Variants in NOL4 observed in about 807,000 individuals in gnomAD.
NOL4 encodes nucleolar protein 4, also known as cancer/testis antigen 125.
Under a neutral mutation model 75.9 loss-of-function variants are expected in NOL4, and 17 were observed. That is an observed-to-expected ratio of 0.22 (90% confidence interval 0.15 to 0.34). The LOEUF (loss-of-function observed/expected upper bound fraction) is 0.34. Among genes scored for constraint, NOL4 ranks in the 10% least tolerant of loss-of-function variants. NOL4 has a pLI of 1.00. For missense variants in NOL4, 614 were observed against 793.5 expected (o/e 0.77, Z 2.72); for synonymous variants, 292 against 289.9 (o/e 1.01, Z -0.07).
At chr18:33,929,270 C>A (rs2067532448) in intron 9 of NOL4, among the ~76,000 whole-genome samples, 1 of 152,132 alleles carries the variant, frequency 6.6e-6, no homozygotes, top group African/African-American at 2.4e-5. Flanking sequence ...TAAGAAACTG[C>A]TGTTTTTGAT....
chr18:34,112,912 G>C (rs2079667503), intron 2 of NOL4, among the ~76,000 whole-genome samples: 4 of 152,296 alleles, frequency 2.6e-5, no homozygotes, highest in Admixed American at 2.6e-4. Flanking sequence ...TAATTAGCTT[G>C]ATTGCGGTAA....
Position 33,851,636 on chromosome 18 carries a change from G to T in NOL4, c.*1206C>A, listed in dbSNP as rs993784404. On this transcript the variant is annotated 3_prime_UTR_variant, in exon 11 of 11. Coordinates refer to ENST00000261592, the MANE Select transcript of NOL4 (RefSeq NM_003787.5). ...TTCTCCCTAAATATTTAAAAAATAG[G>T]CTTGTCTCAGTGCACAAAGAAAACA... is the stretch of plus-strand genomic sequence containing the variant. 1.3e-5 allele frequency: 2 copies of T among 152,362 alleles called. No homozygotes were observed. The highest frequency in any genetic ancestry group is 3.9e-4 in the East Asian group (2 of 5,156). The allele number at this position is 152,362 out of a possible 1,614,324, so 9.4% of individuals were successfully genotyped here. A position where few individuals can be genotyped will look rare whatever the true frequency, so the allele number is the denominator to read the frequency against.
chr18:34,086,341 A>G, intron 5 of NOL4, among the ~76,000 whole-genome samples: 1 of 152,272 alleles, frequency 6.6e-6, no homozygotes, highest in South Asian at 2.1e-4. Flanking sequence ...GTTTCCTAAG[A>G]AATTGTAAAC....
intron 1 of NOL4, chr18:34,222,572 C>T: frequency 1.8e-6 from 1 of 567,806 alleles, no homozygotes; most frequent in Non-Finnish European, 2.2e-6. Flanking sequence ...GACTCGTCTG[C>T]TCTCAGAGCG....
chr18:34,124,973 A>G (rs1462649857), intron 2 of NOL4, among the ~76,000 whole-genome samples: 3 of 152,056 alleles, frequency 2.0e-5, no homozygotes, highest in Admixed American at 6.6e-5. Context: ...TATGCCAATA[A>G]CTCACATTTT....
At chr18:33,969,140 G>C (rs914872886) in intron 6 of NOL4, among the ~76,000 whole-genome samples, 1 of 152,078 alleles carries the variant, frequency 6.6e-6, no homozygotes, top group African/African-American at 2.4e-5. Flanking sequence ...CATTAAAGCA[G>C]CGTTTATGAG....
chr18:34,215,171 A>G (rs2036795813), intron 1 of NOL4, among the ~76,000 whole-genome samples: 1 of 152,140 alleles, frequency 6.6e-6, no homozygotes, highest in African/African-American at 2.4e-5. Context: ...TGTTTTTTTT[A>G]TCACAATTAA....
chr18:34,141,774 C>G (rs1306208768), intron 1 of NOL4, among the ~76,000 whole-genome samples: 1 of 152,098 alleles, frequency 6.6e-6, no homozygotes, highest in Non-Finnish European at 1.5e-5. Flanking sequence ...TAGGCATGGG[C>G]AAGGACTTCA....
In NOL4 at chr18:33,915,163, T is replaced by C. The variant is rs182266970; in HGVS notation, c.1542+27902A>G. Among the ~76,000 whole-genome samples, 166 of 152,232 alleles carry C rather than the reference T, an allele frequency of 1.1e-3. 1 individual carries two copies. Among genetic ancestry groups the C allele is most frequent in the African/African-American group, 3.8e-3 (158 of 41,556 alleles). On this transcript the variant is annotated intron_variant, in intron 9 of 10. Transcript: ENST00000261592. ...CAACCGTGACAAATGCCCCTGATAG[T>C]GCAAGTAAGACGAGAACTAAGAAAT...
chr18:33,963,734 C>A (rs1037469768), intron 6 of NOL4, among the ~76,000 whole-genome samples: 1 of 152,120 alleles, frequency 6.6e-6, no homozygotes, highest in Non-Finnish European at 1.5e-5. Context: ...CTTTCCTCAG[C>A]AAAGAGGCTT....
At position 33,883,338 on chromosome 18, in the gene NOL4, G is replaced by A. The variant is rs760060137; in HGVS notation, c.1629C>T (p.Asp543=). ...YSTSAVPGSQ[D]VLYINGNGTY... The stretch of plus-strand genomic sequence containing the variant: ...TCCCATTTCCATTGATGTACAGCAC[G>A]TCCTGTGAGCCTGGAACAGCTGATG... Residue 543 remains aspartate (D), a synonymous_variant, in exon 10 of 11, where the codon GAC becomes GAT. Coordinates refer to ENST00000261592, the MANE Select transcript of NOL4 (RefSeq NM_003787.5). 8.7e-6 allele frequency: 14 copies of A among 1,613,026 alleles called. No homozygotes were observed. The highest frequency in any genetic ancestry group is 6.7e-5 in the Admixed American group (4 of 59,872).
At chr18:33,987,238 G>C (rs1426541008) in intron 6 of NOL4, among the ~76,000 whole-genome samples, 1 of 152,030 alleles carries the variant, frequency 6.6e-6, no homozygotes, top group African/African-American at 2.4e-5. Context: ...TATTTGCTTT[G>C]GGGGATAGGG....
intron 1 of NOL4, among the ~76,000 whole-genome samples, chr18:34,194,735 C>T (rs1033811917): frequency 6.6e-6 from 1 of 151,962 alleles, no homozygotes; most frequent in Non-Finnish European, 1.5e-5. Context: ...ATAAAAACTA[C>T]CTACCTAGGC....
At chr18:34,082,908 T>C (rs143740940) in intron 5 of NOL4, among the ~76,000 whole-genome samples, 1 of 152,268 alleles carries the variant, frequency 6.6e-6, no homozygotes, top group East Asian at 1.9e-4. Flanking sequence ...GATATGTGAC[T>C]GCCAGAAACC....
intron 5 of NOL4, among the ~76,000 whole-genome samples, chr18:34,030,452 G>A (rs1419569148): frequency 6.6e-6 from 1 of 152,114 alleles, no homozygotes; most frequent in Non-Finnish European, 1.5e-5. Context: ...ATAGAAGGAT[G>A]GAAGAAAGGA....
chr18:34,222,872 T>TA, intron 1 of NOL4, 118 bp downstream of exon 1: 1 of 1,354,592 alleles, frequency 7.4e-7, no homozygotes, highest in South Asian at 1.3e-5. Context: ...TTGAGGAAGG[T>TA]AGGGGGCACA....
intron 2 of NOL4, among the ~76,000 whole-genome samples, chr18:34,125,707 C>A (rs1693346510): frequency 1.3e-5 from 2 of 151,960 alleles, no homozygotes; most frequent in Admixed American, 1.3e-4. Flanking sequence ...TATTCTACAG[C>A]ATATCTCTGG....
chr18:34,223,403 G>T lies in NOL4; in HGVS notation c.-150C>A, dbSNP rs2037455988. ...CTGCTTTGGGTGGGGGAAGGGATGG[G>T]AAGAGGGGAGGAGGGTCCGGTTGGG... On this transcript the variant is annotated 5_prime_UTR_variant, in exon 1 of 11. Coordinates refer to ENST00000261592, the MANE Select transcript of NOL4 (RefSeq NM_003787.5). 31 of 1,115,234 alleles carry T rather than the reference G, an allele frequency of 2.8e-5. No individual in the cohort carries two copies. The highest frequency in any genetic ancestry group is 3.9e-5 in the Non-Finnish European group (31 of 796,970). 69.1% of individuals were successfully genotyped at this position (1,115,234 alleles called of 1,614,324 possible).
intron 4 of NOL4, among the ~76,000 whole-genome samples, chr18:34,102,766 A>C (rs565901653): frequency 6.6e-6 from 1 of 151,804 alleles, no homozygotes; most frequent in South Asian, 2.1e-4. Flanking sequence ...ACATTTAAAA[A>C]TTTTTTTCAA....
Sources: gnomAD v4.1 joint callset for allele counts (sites outside exome capture counted in the v4.1 genomes callset) on GRCh38, gnomAD v4.1.1 for gene constraint, MANE v1.5 for transcripts, NCBI Gene and HGNC (gene_info 2026-07-23, HGNC 2026-07-21) for gene names.